Variants in GABBR2 observed in about 807,000 individuals in gnomAD.
The protein encoded by GABBR2 is gamma-aminobutyric acid type B receptor subunit 2.
A neutral mutation model predicts 105.6 loss-of-function variants in GABBR2; 23 were observed. That is an observed-to-expected ratio of 0.22 (90% CI 0.16 to 0.31). The LOEUF (loss-of-function observed/expected upper bound fraction) is 0.31, where lower values mean the gene tolerates loss of function less well. Ranked by LOEUF, GABBR2 falls within the 10% of genes least tolerant of loss-of-function variation. The pLI is 1.00. For missense variants in GABBR2, 734 were observed against 1,245.5 expected (o/e 0.59, Z 6.18); for synonymous variants, 478 against 499.7 (o/e 0.96, Z 0.58).
intron 14 of GABBR2, among the ~76,000 whole-genome samples, chr9:98,309,250 C>T (rs1039826670): frequency 2.0e-5 from 3 of 152,176 alleles, no homozygotes; most frequent in African/African-American, 7.2e-5. Flanking sequence ...TTTCTCATCT[C>T]CAACCACTTT....
At chr9:98,347,952 C>A (rs1046834505) in intron 13 of GABBR2, among the ~76,000 whole-genome samples, 2 of 152,228 alleles carry the variant, frequency 1.3e-5, no homozygotes, top group African/African-American at 4.8e-5. Context: ...TCCCCCTGCG[C>A]AAGCTCTCTT....
intron 3 of GABBR2, among the ~76,000 whole-genome samples, chr9:98,529,126 G>C (rs1038830638): frequency 2.0e-5 from 3 of 150,724 alleles, no homozygotes; most frequent in Non-Finnish European, 2.9e-5. Flanking sequence ...TCCCATCCCC[G>C]AATCCTTGAA....
intron 3 of GABBR2, among the ~76,000 whole-genome samples, chr9:98,510,027 CG>C (rs1367697964): frequency 1.3e-5 from 2 of 152,218 alleles, no homozygotes; most frequent in Non-Finnish European, 2.9e-5. Context: ...AGAGAAAGGT[CG>C]GGTTACCCAC....
chr9:98,577,228 A>ATGGATGGATGGATGGATGGATGGATG (rs769775744), intron 2 of GABBR2, among the ~76,000 whole-genome samples: 1 of 151,122 alleles, frequency 6.6e-6, no homozygotes, highest in Non-Finnish European at 1.5e-5. Flanking sequence ...GGATGGATGG[A>ATGGATGGATGGATGGATGGATGGATG]GCAAAAAAGT....
chr9:98,595,835 G>T (rs894098471), intron 1 of GABBR2, among the ~76,000 whole-genome samples: 1 of 152,088 alleles, frequency 6.6e-6, no homozygotes, highest in African/African-American at 2.4e-5. Flanking sequence ...AGAGTACACA[G>T]CAATGGAGAT....
At chr9:98,618,470 A>C (rs1428229287) in intron 1 of GABBR2, among the ~76,000 whole-genome samples, 1 of 150,480 alleles carries the variant, frequency 6.6e-6, no homozygotes, top group African/African-American at 2.5e-5. Flanking sequence ...GCAAAGGAAA[A>C]AAAAAGGTCT....
chr9:98,621,486 C>T (rs1037394989), intron 1 of GABBR2, among the ~76,000 whole-genome samples: 1 of 152,228 alleles, frequency 6.6e-6, no homozygotes, highest in Non-Finnish European at 1.5e-5. Flanking sequence ...TCCACCTCGT[C>T]AGTCAGCTAG....
chr9:98,600,916 T>C (rs1829321515), intron 1 of GABBR2, among the ~76,000 whole-genome samples: 1 of 152,182 alleles, frequency 6.6e-6, no homozygotes, highest in Admixed American at 6.5e-5. Context: ...CTCCCTAAAA[T>C]GAAAAGCTTA....
chr9:98,476,919 AG>A (rs1010497845), intron 5 of GABBR2, among the ~76,000 whole-genome samples: 1 of 152,232 alleles, frequency 6.6e-6, no homozygotes, highest in African/African-American at 2.4e-5. Flanking sequence ...GCTTTGAGTG[AG>A]GCTCTCCTGC....
intron 7 of GABBR2, among the ~76,000 whole-genome samples, chr9:98,441,922 A>C (rs1470335626): frequency 6.6e-6 from 1 of 152,254 alleles, no homozygotes; most frequent in Non-Finnish European, 1.5e-5. Context: ...ATGATAAAGA[A>C]ATTAAAATAA....
At chr9:98,670,789 A>C (rs2131860936) in intron 1 of GABBR2, among the ~76,000 whole-genome samples, 1 of 152,354 alleles carries the variant, frequency 6.6e-6, no homozygotes, top group South Asian at 2.1e-4. Flanking sequence ...TCAATATTGT[A>C]GAGACAGAAA....
At chr9:98,655,313 G>A (rs1830164664) in intron 1 of GABBR2, among the ~76,000 whole-genome samples, 1 of 152,076 alleles carries the variant, frequency 6.6e-6, no homozygotes, top group African/African-American at 2.4e-5. Flanking sequence ...GTTCATGTGT[G>A]TAAGCAAGGG....
At chr9:98,336,215 T>C (rs1253084717) in intron 13 of GABBR2, among the ~76,000 whole-genome samples, 1 of 152,044 alleles carries the variant, frequency 6.6e-6, no homozygotes, top group Non-Finnish European at 1.5e-5. Flanking sequence ...AAGTTGGGAA[T>C]AAAGTTGGAG....
chr9:98,421,674 G>T (rs749265252), intron 7 of GABBR2, among the ~76,000 whole-genome samples: 5 of 152,044 alleles, frequency 3.3e-5, no homozygotes, highest in Admixed American at 2.0e-4. Flanking sequence ...TGGAATAAAG[G>T]GTTAATAGGT....
intron 1 of GABBR2, among the ~76,000 whole-genome samples, chr9:98,642,648 A>C (rs1829979394): frequency 6.6e-6 from 1 of 152,180 alleles, no homozygotes; most frequent in Non-Finnish European, 1.5e-5. Flanking sequence ...ACATCATATT[A>C]TTTTAGCACA....
At chr9:98,301,029 T>C (rs1179699032) in intron 16 of GABBR2, among the ~76,000 whole-genome samples, 2 of 152,200 alleles carry the variant, frequency 1.3e-5, no homozygotes, top group East Asian at 1.9e-4. Flanking sequence ...GCAGGGAAGC[T>C]CCACACCCCT....
intron 15 of GABBR2, among the ~76,000 whole-genome samples, chr9:98,305,695 G>A (rs1200702858): frequency 6.6e-6 from 1 of 152,014 alleles, no homozygotes; most frequent in Non-Finnish European, 1.5e-5. Context: ...CAAGCCTGTA[G>A]TCCCAGCTAC....
At chr9:98,406,257 G>A in intron 7 of GABBR2, 116 bp from the exon 8 acceptor site, 4 of 567,138 alleles carry the variant, frequency 7.1e-6, no homozygotes, top group Non-Finnish European at 9.2e-6. Context: ...TAATACTGGA[G>A]GAAAAACAGA....
intron 11 of GABBR2, among the ~76,000 whole-genome samples, chr9:98,372,130 C>T (rs918256689): frequency 8.5e-5 from 13 of 152,324 alleles, no homozygotes; most frequent in Non-Finnish European, 1.6e-4. Context: ...TGTGCCCTGA[C>T]GCCTAGCCCT....
Sources: gnomAD v4.1 joint callset for allele counts (sites outside exome capture counted in the v4.1 genomes callset) on GRCh38, gnomAD v4.1.1 for gene constraint, MANE v1.5 for transcripts, NCBI Gene and HGNC (gene_info 2026-07-23, HGNC 2026-07-21) for gene names.